Variants in PRKDC observed in about 807,000 individuals in gnomAD.
The protein encoded by PRKDC is protein kinase, DNA-activated, catalytic subunit.
PRKDC carries 82 observed loss-of-function variants against 486.9 expected under a neutral mutation model. That is an observed-to-expected ratio of 0.17 (90% confidence interval 0.14 to 0.20). The LOEUF is 0.20. PRKDC is among the 10% of genes least tolerant of loss of function. The pLI, the probability that PRKDC is intolerant of heterozygous loss-of-function variation, is 1.00. For synonymous variants in PRKDC, 1,895 were observed against 1,837.0 expected (o/e 1.03, Z -0.81); for missense variants, 4,504 against 5,038.2 (o/e 0.89, Z 3.21).
intron 45 of PRKDC, 139 bp downstream of exon 45, chr8:47,860,760 C>G: frequency 1.7e-6 from 1 of 603,288 alleles, no homozygotes; most frequent in Non-Finnish European, 2.8e-6. Flanking sequence ...TTTTCAAAGT[C>G]AATTTCAATG....
At chr8:47,936,560 G>A (rs375644183) in intron 11 of PRKDC, 43 bp from the exon 12 acceptor site, 1 of 1,598,062 alleles carries the variant, frequency 6.3e-7, no homozygotes, top group Non-Finnish European at 8.6e-7. Context: ...ATCTTATCAA[G>A]ATCAAAATAA....
chr8:47,834,451 G>C, intron 58 of PRKDC, 55 bp from the exon 59 acceptor site: 1 of 1,571,636 alleles, frequency 6.4e-7, no homozygotes, highest in Non-Finnish European at 8.7e-7. Context: ...CTCTGTGCAC[G>C]GGGCAGGACC....
rs1251264942 is a variant in PRKDC at position 47,893,247 on chromosome 8, G to A, written c.3739C>T (p.Pro1247Ser). 1 of 1,612,372 alleles carries A rather than the reference G, an allele frequency of 6.2e-7. No homozygotes were observed. Among genetic ancestry groups the A allele is most frequent in the Non-Finnish European group, 8.5e-7 (1 of 1,179,078 alleles). Residue 1247 changes from proline to serine, a missense_variant, in exon 31 of 86, where the codon CCA (proline) becomes TCA (serine). Around this residue, in one of 6 missense-constraint regions of PRKDC, gnomAD observed 1,969 missense variants for 2,068.9 expected, o/e 0.95. Coordinates refer to ENST00000314191, the MANE Select transcript of PRKDC (RefSeq NM_006904.7). The stretch of plus-strand genomic sequence containing the variant: ...CATAGCGTGGCCTGCAGGCTGAATG[G>A]CCCCCGAAGGTACAAGAGGGTGGGC... ...AQPTLLYLRG[P>S]FSLQATLCWL...
chr8:47,786,885 G>A (rs1425851535), intron 76 of PRKDC, among the ~76,000 whole-genome samples: 8 of 151,398 alleles, frequency 5.3e-5, no homozygotes, highest in South Asian at 2.1e-4. Context: ...GCACACCACC[G>A]TGCCTGGCTA....
rs755397534 is a variant in PRKDC at position 47,849,485 on chromosome 8, A to C, written c.7024T>G (p.Cys2342Gly). The C allele has an allele frequency of 1.8e-5, 29 of 1,613,844 alleles. No homozygotes were observed. Among genetic ancestry groups the C allele is most frequent in the Non-Finnish European group, 2.5e-5 (29 of 1,179,874 alleles). The change falls in exon 53 of 86, where the codon TGT (cysteine) becomes GGT (glycine). Residue 2342 changes from cysteine to glycine, a missense_variant. Coordinates refer to ENST00000314191, the MANE Select transcript of PRKDC (RefSeq NM_006904.7). ...ERKNILEESL[C>G]ELVAKQLKQH... ...TTCAATTGTTTCGCAACCAGTTCAC[A>C]CAGAGACTCCTCCAGTATCTGAAAA...
At chr8:47,775,454 C>G (rs1470070088) in intron 85 of PRKDC, among the ~76,000 whole-genome samples, 1 of 147,678 alleles carries the variant, frequency 6.8e-6, no homozygotes, top group Non-Finnish European at 1.5e-5. Context: ...TCACTGCAAC[C>G]TCTGCCTCCT....
At chr8:47,803,890 G>C (rs1051297683) in intron 69 of PRKDC, among the ~76,000 whole-genome samples, 10 of 150,044 alleles carry the variant, frequency 6.7e-5, no homozygotes, top group African/African-American at 2.2e-4. Context: ...TGAGGCTGCA[G>C]TGAGCTGCTG....
chr8:47,800,030 A>G (rs2087067009), intron 71 of PRKDC, among the ~76,000 whole-genome samples: 1 of 152,226 alleles, frequency 6.6e-6, no homozygotes, highest in African/African-American at 2.4e-5. Flanking sequence ...AATTTGTGTC[A>G]TTCAAATAAA....
rs143950510 is a variant in PRKDC at position 47,861,836 on chromosome 8, C to T, written c.5985+226G>A. Reference sequence around the variant, plus strand: ...TCCTAACACTTCCTTTTACTGGCACCGTCTTTCCTACACATGTCAAGAGAT... The same window carrying T: ...TCCTAACACTTCCTTTTACTGGCACTGTCTTTCCTACACATGTCAAGAGAT... On this transcript the variant is annotated intron_variant, in intron 44 of 85. Coordinates refer to ENST00000314191, the MANE Select transcript of PRKDC (RefSeq NM_006904.7). 2.8e-3 allele frequency among the ~76,000 whole-genome samples: 424 copies of T among 152,278 alleles called. 11 individuals are homozygous for T. Among genetic ancestry groups the T allele is most frequent in the Non-Finnish European group, 9.3e-4 (63 of 68,030 alleles).
At chr8:47,793,571 G>A (rs2086921300) in intron 74 of PRKDC, among the ~76,000 whole-genome samples, 1 of 151,286 alleles carries the variant, frequency 6.6e-6, no homozygotes, top group African/African-American at 2.4e-5. Context: ...AACCTGGGAG[G>A]TGGAGGTTGC....
At chr8:47,849,852 G>A (rs2088362136) in intron 52 of PRKDC, among the ~76,000 whole-genome samples, 1 of 152,230 alleles carries the variant, frequency 6.6e-6, no homozygotes, top group Admixed American at 6.5e-5. Flanking sequence ...AGTCCTTTGA[G>A]AAGCTAAGCT....
chr8:47,863,594 A>C lies in PRKDC; in HGVS notation c.5572-17T>G, dbSNP rs760278780. On this transcript the variant is annotated splice_polypyrimidine_tract_variant and intron_variant, in intron 41 of 85. Transcript: ENST00000314191. ...TTCATTTAGCTTCAAAAAGGTAAAA[A>C]ATAATTATCTTTGGTCTTATTAAAC... 3 of 1,576,314 alleles carry C rather than the reference A, an allele frequency of 1.9e-6. No individual in the cohort carries two copies. The highest frequency in any genetic ancestry group is 2.2e-5 in the East Asian group (1 of 44,542).
At chr8:47,861,163 C>A (rs2088668417) in intron 44 of PRKDC, among the ~76,000 whole-genome samples, 192 bp from the exon 45 acceptor site, 1 of 152,182 alleles carries the variant, frequency 6.6e-6, no homozygotes, top group Non-Finnish European at 1.5e-5. Context: ...CCTGCAGATT[C>A]CCACAGAACT....
rs745515428 is a variant in PRKDC at position 47,852,701 on chromosome 8, A to G, written c.6977T>C (p.Ile2326Thr). The G allele has an allele frequency of 1.0e-5, 16 of 1,576,754 alleles. No individual in the cohort carries two copies. The highest frequency in any genetic ancestry group is 2.3e-5 in the South Asian group (2 of 86,062). ...TTTTCTCTCCATAACATATCGAAGTATAAGTCCTAGAACTTCTGCTGCAGC... is the reference window on the plus strand; with the variant it reads ...TTTTCTCTCCATAACATATCGAAGTGTAAGTCCTAGAACTTCTGCTGCAGC... Reference protein sequence around the residue: ...YAAAAEVLGLILRYVMERKNI... With the variant: ...YAAAAEVLGLTLRYVMERKNI... The change falls in exon 52 of 86, where the codon ATA becomes ACA. Residue 2326 changes from isoleucine to threonine, a missense_variant. This residue lies in a region of PRKDC where 1,592 missense variants were observed against 1,724.6 expected (regional missense o/e 0.92). Transcript: ENST00000314191.
At chr8:47,895,375 C>A (rs2089555433) in intron 30 of PRKDC, among the ~76,000 whole-genome samples, 1 of 152,208 alleles carries the variant, frequency 6.6e-6, no homozygotes, top group Admixed American at 6.5e-5. Flanking sequence ...TACCTAGCAG[C>A]CTTTGTCCAA....
intron 52 of PRKDC, 40 bp downstream of exon 52, chr8:47,852,633 G>C (rs2088434881): frequency 7.9e-7 from 1 of 1,268,740 alleles, no homozygotes; most frequent in Admixed American, 2.2e-5. Context: ...AATCAAAACA[G>C]AGTAAGAGGT....
chr8:47,828,673 A>G (rs1426354085), intron 61 of PRKDC, among the ~76,000 whole-genome samples: 1 of 152,218 alleles, frequency 6.6e-6, no homozygotes, highest in Admixed American at 6.5e-5. Flanking sequence ...ACCAGAACAC[A>G]TCACATTGGG....
intron 59 of PRKDC, among the ~76,000 whole-genome samples, 191 bp from the exon 60 acceptor site, chr8:47,832,117 G>C (rs1295024658): frequency 6.6e-6 from 1 of 152,234 alleles, no homozygotes; most frequent in Non-Finnish European, 1.5e-5. Context: ...CATGAGCGCT[G>C]AACGGGCCAG....
chr8:47,878,171 C>T (rs2089131298), intron 39 of PRKDC, among the ~76,000 whole-genome samples: 1 of 144,444 alleles, frequency 6.9e-6, no homozygotes, highest in Admixed American at 7.2e-5. Context: ...GTGACACGAT[C>T]TCGGCTCACT....
Sources: allele counts gnomAD v4.1 joint callset (sites outside exome capture counted in the v4.1 genomes callset), GRCh38; gene constraint gnomAD v4.1.1; regional missense constraint gnomAD v4.1.1; transcripts MANE v1.5; gene names NCBI Gene and HGNC (gene_info 2026-07-23, HGNC 2026-07-21).